Variants in PHACTR4 observed in about 807,000 individuals in gnomAD.
The protein encoded by PHACTR4 is phosphatase and actin regulator 4, also known as protein phosphatase 1, regulatory subunit 124.
A neutral mutation model predicts 72.7 loss-of-function variants in PHACTR4; 51 were observed. The observed-to-expected ratio is 0.70, with a 90% CI of 0.56 to 0.89. PHACTR4 has a LOEUF of 0.89. PHACTR4 is among the 40% of genes least tolerant of loss of function. The probability of loss-of-function intolerance (pLI) is 0.00; values close to 1 mark genes in which losing one functional copy is unlikely to be tolerated. For synonymous variants in PHACTR4, 255 were observed against 302.5 expected (o/e 0.84, Z 1.63); for missense variants, 731 against 861.8 (o/e 0.85, Z 1.90).
At position 28,473,718 on chromosome 1, in the gene PHACTR4, A is replaced by C. The variant is rs368189063; in HGVS notation, c.988A>C (p.Met330Leu). Residue 330 changes from methionine (M) to leucine (L), a missense_variant, in exon 7 of 14, where the codon ATG (methionine) becomes CTG (leucine). Coordinates refer to ENST00000373839, the MANE Select transcript of PHACTR4 (RefSeq NM_001048183.3). ...TGAAAGAGAGAAGAGCACGTGTTCT[A>C]TGGGCTCGGAACTACTACCAATGAT... ...SDEREKSTCS[M>L]GSELLPMISP... The C allele has an allele frequency of 1.9e-6, 3 of 1,614,076 alleles. No individual in the cohort carries two copies. The Admixed American group carries it at 5.0e-5, about 27-fold the overall frequency.
At chr1:28,442,808 T>A (rs768445860) in intron 2 of PHACTR4, among the ~76,000 whole-genome samples, 1 of 82,454 alleles carries the variant, frequency 1.2e-5, no homozygotes, top group Non-Finnish European at 2.9e-5. Context: ...GCCTGGCAAA[T>A]TTTTTTTTTA....
At chr1:28,388,408 C>T (rs1652736268) in intron 1 of PHACTR4, among the ~76,000 whole-genome samples, 1 of 152,050 alleles carries the variant, frequency 6.6e-6, no homozygotes, top group African/African-American at 2.4e-5. Flanking sequence ...GAAATAAGTC[C>T]ACGTAGGTAT....
At chr1:28,492,761 G>A (rs183297908) in intron 12 of PHACTR4, among the ~76,000 whole-genome samples, 1 of 152,162 alleles carries the variant, frequency 6.6e-6, no homozygotes, top group African/African-American at 2.4e-5. Flanking sequence ...TTCCATCTCA[G>A]GGAAAAACAA....
chr1:28,404,375 T>A lies in PHACTR4; in HGVS notation c.-38-3035T>A, dbSNP rs376413191. ...TCAGCTCACTGCAACCTCCGCCTCC[T>A]GGGTTCAAGCGATTCTCCTGCCTCA... is the stretch of plus-strand genomic sequence containing the variant. On this transcript the variant is annotated intron_variant, in intron 1 of 13. Transcript: ENST00000373839. 2.0e-3 allele frequency among the ~76,000 whole-genome samples: 295 copies of A among 147,490 alleles called. 1 individual carries two copies. The highest frequency in any genetic ancestry group is 3.9e-3 in the South Asian group (18 of 4,664).
chr1:28,429,680 G>A (rs141489098), intron 2 of PHACTR4, among the ~76,000 whole-genome samples: 33 of 152,268 alleles, frequency 2.2e-4, no homozygotes, highest in East Asian at 7.7e-4. Context: ...TACTCGGTGC[G>A]TGTATACTGT....
chr1:28,447,210 C>T (rs1313254719), intron 2 of PHACTR4, among the ~76,000 whole-genome samples: 1 of 151,760 alleles, frequency 6.6e-6, no homozygotes, highest in Non-Finnish European at 1.5e-5. Context: ...CGGGGTTTCG[C>T]CGTATTGGCC....
intron 2 of PHACTR4, among the ~76,000 whole-genome samples, chr1:28,441,748 A>T (rs79758184): frequency 0.06 from 9,184 of 152,286 alleles, 394 homozygotes; most frequent in Middle Eastern, 0.15. Context: ...TAATCCCAGC[A>T]CTTTGGGAGG....
At position 28,402,842 on chromosome 1, in the gene PHACTR4, C is replaced by G. The variant is rs532315361; in HGVS notation, c.-38-4568C>G. On this transcript the variant is annotated intron_variant, in intron 1 of 13. Transcript: ENST00000373839. ...AACAGGGGTATTTTGTTAATGGAAACTTTCCATCACAAACCAGGATCATCC... is the reference window on the plus strand; with the variant it reads ...AACAGGGGTATTTTGTTAATGGAAAGTTTCCATCACAAACCAGGATCATCC... Among the ~76,000 whole-genome samples, 5 of 152,314 alleles carry G rather than the reference C, an allele frequency of 3.3e-5. No homozygotes were observed. The East Asian group carries it at 9.7e-4, about 29-fold the overall frequency.
intron 1 of PHACTR4, among the ~76,000 whole-genome samples, chr1:28,396,975 G>A (rs188444471): frequency 2.6e-5 from 4 of 151,512 alleles, no homozygotes; most frequent in African/African-American, 9.7e-5. Flanking sequence ...TTGCAGGTGT[G>A]AGCCACCGTG....
chr1:28,473,592 T>C lies in PHACTR4; in HGVS notation c.862T>C (p.Ser288Pro), dbSNP rs758232803. Residue 288 changes from serine (S) to proline (P), a missense_variant, in exon 7 of 14, where the codon TCA becomes CCA. By Grantham distance (74) the Ser-to-Pro change is moderately conservative (BLOSUM62 -1). This residue lies in a region of PHACTR4 where 621 missense variants were observed against 676.6 expected (regional missense o/e 0.92). Transcript: ENST00000373839. ...AGCAATAAACAGTGGTACATTGTTA[T>C]CAAAACCGTCCCCACCCTTACCACC... ...SQAINSGTLL[S>P]KPSPPLPPKR... 4 of 1,613,590 alleles carry C rather than the reference T, an allele frequency of 2.5e-6. No individual in the cohort carries two copies. The highest frequency in any genetic ancestry group is 2.5e-6 in the Non-Finnish European group (3 of 1,179,646).
intron 9 of PHACTR4, among the ~76,000 whole-genome samples, chr1:28,485,900 C>G (rs1357803269): frequency 6.6e-6 from 1 of 150,586 alleles, no homozygotes; most frequent in African/African-American, 2.4e-5. Context: ...CTCTCCATCT[C>G]AAAAAAAATA....
chr1:28,427,028 A>G (rs116019665), intron 2 of PHACTR4, among the ~76,000 whole-genome samples: 1,596 of 132,966 alleles, frequency 0.012, 26 homozygotes, highest in African/African-American at 0.05. Context: ...TGTAAATTGT[A>G]TCTCATTTTA....
chr1:28,455,392 T>G (rs1015588897), intron 2 of PHACTR4, among the ~76,000 whole-genome samples: 48 of 151,768 alleles, frequency 3.2e-4, no homozygotes, highest in African/African-American at 1.2e-3. Flanking sequence ...AGACGAGGTT[T>G]CACCATGTTG....
intron 1 of PHACTR4, among the ~76,000 whole-genome samples, chr1:28,401,434 G>A (rs1653939503): frequency 6.6e-6 from 1 of 151,112 alleles, no homozygotes; most frequent in Non-Finnish European, 1.5e-5. Flanking sequence ...AGCCTCCCAC[G>A]TAGCTGGGAT....
intron 9 of PHACTR4, among the ~76,000 whole-genome samples, chr1:28,484,514 G>A (rs1039376696): frequency 6.6e-6 from 1 of 151,238 alleles, no homozygotes; most frequent in African/African-American, 2.4e-5. Context: ...ATATATGTGT[G>A]TATGTGTATA....
rs565940780 is a variant in PHACTR4 at position 28,496,739 on chromosome 1, C to T, written c.*190C>T. On this transcript the variant is annotated 3_prime_UTR_variant, in exon 14 of 14. Transcript: ENST00000373839. ...CTTATGTGCTGCACCGGGGGCAAAACAACACTTTGTCAGTGCTTTTGAACC... is the reference window on the plus strand; with the variant it reads ...CTTATGTGCTGCACCGGGGGCAAAATAACACTTTGTCAGTGCTTTTGAACC... 1.0e-4 allele frequency: 68 copies of T among 658,272 alleles called. No homozygotes were observed. The South Asian group carries it at 1.1e-3, about 10-fold the overall frequency. The allele number at this position is 658,272 out of a possible 1,614,324, so 40.8% of individuals were successfully genotyped here. A position where few individuals can be genotyped will look rare whatever the true frequency, so the allele number is the denominator to read the frequency against.
At chr1:28,389,415 C>T (rs969271447) in intron 1 of PHACTR4, among the ~76,000 whole-genome samples, 1 of 148,554 alleles carries the variant, frequency 6.7e-6, no homozygotes, top group African/African-American at 2.5e-5. Context: ...CAAGTGTTGG[C>T]AAGGATGTGG....
chr1:28,470,646 G>A (rs933687113), intron 6 of PHACTR4, among the ~76,000 whole-genome samples: 3 of 151,826 alleles, frequency 2.0e-5, no homozygotes, highest in African/African-American at 4.8e-5. Flanking sequence ...GCAGTGAGCC[G>A]TGACTGCGCC....
chr1:28,385,150 C>G (rs904348976), intron 1 of PHACTR4, among the ~76,000 whole-genome samples: 1 of 152,140 alleles, frequency 6.6e-6, no homozygotes, highest in Non-Finnish European at 1.5e-5. Flanking sequence ...CCTCTTAACA[C>G]TGCCTTAGCT....
Sources: gnomAD v4.1 joint callset for allele counts (sites outside exome capture counted in the v4.1 genomes callset) on GRCh38, gnomAD v4.1.1 for gene constraint, gnomAD v4.1.1 regional missense constraint, MANE v1.5 for transcripts, NCBI Gene and HGNC (gene_info 2026-07-23, HGNC 2026-07-21) for gene names.